The following AKAP13 variants were observed in gnomAD, a reference collection of about 807,000 sequenced individuals.
AKAP13 encodes A-kinase anchor protein 13.
In AKAP13, 80 loss-of-function variants were observed where a neutral mutation model predicts 264.5. That is an observed-to-expected ratio of 0.30 (90% CI 0.25 to 0.36). The LOEUF (loss-of-function observed/expected upper bound fraction) is 0.36, where lower values mean the gene tolerates loss of function less well. AKAP13 is among the 10% of genes least tolerant of loss of function. The pLI, the probability that AKAP13 is intolerant of heterozygous loss-of-function variation, is 1.00. For missense variants in AKAP13, 3,712 were observed against 3,435.2 expected (o/e 1.08, Z -2.01); for synonymous variants, 1,380 against 1,250.2 (o/e 1.10, Z -2.19).
intron 8 of AKAP13, among the ~76,000 whole-genome samples, chr15:85,600,232 G>A (rs1037760483): frequency 2.0e-5 from 3 of 148,550 alleles, no homozygotes; most frequent in African/African-American, 7.5e-5. Flanking sequence ...GGCCCAAGAT[G>A]TTTAATTCTT....
chr15:85,648,621 T>C (rs1033564246), intron 10 of AKAP13, among the ~76,000 whole-genome samples: 2 of 152,078 alleles, frequency 1.3e-5, no homozygotes, highest in African/African-American at 2.4e-5. Context: ...GAGGATCACT[T>C]GAGTCAAGGA....
chr15:85,598,688 G>C (rs1464941284), intron 8 of AKAP13, among the ~76,000 whole-genome samples: 1 of 152,134 alleles, frequency 6.6e-6, no homozygotes, highest in Non-Finnish European at 1.5e-5. Context: ...CCCTCAAGAA[G>C]CTCTATTGGG....
chr15:85,533,689 C>T lies in AKAP13; in HGVS notation c.287C>T (p.Ala96Val), dbSNP rs748911756. ...GACTTTCATTTCGTCCAGGATGAAGCGTATGATGCAGCTCAATTCCTAGCA... is the reference window on the plus strand; with the variant it reads ...GACTTTCATTTCGTCCAGGATGAAGTGTATGATGCAGCTCAATTCCTAGCA... ...EEDFHFVQDE[A>V]YDAAQFLATS... Residue 96 changes from alanine (A) to valine (V), a missense_variant, in exon 4 of 37, where the codon GCG becomes GTG. Around this residue, in one of 3 missense-constraint regions of AKAP13, gnomAD observed 2,759 missense variants for 2,411.7 expected, o/e 1.14. Transcript: ENST00000394518. The T allele has an allele frequency of 7.4e-6, 12 of 1,614,130 alleles. No homozygotes were observed. The highest frequency in any genetic ancestry group is 8.5e-6 in the Non-Finnish European group (10 of 1,180,014).
At chr15:85,686,166 T>TGCATGC (rs55760542) in intron 16 of AKAP13, among the ~76,000 whole-genome samples, 1 of 131,894 alleles carries the variant, frequency 7.6e-6, no homozygotes, top group African/African-American at 3.0e-5. Context: ...TGTGTGTGTG[T>TGCATGC]ATGTGTGTGT....
intron 5 of AKAP13, among the ~76,000 whole-genome samples, chr15:85,549,964 T>C (rs1341853745): frequency 6.6e-6 from 1 of 152,194 alleles, no homozygotes; most frequent in African/African-American, 2.4e-5. Flanking sequence ...TCACCCAGGC[T>C]GGAGTGCAGT....
At chr15:85,439,071 T>C (rs985091558) in intron 1 of AKAP13, among the ~76,000 whole-genome samples, 2 of 151,512 alleles carry the variant, frequency 1.3e-5, no homozygotes, top group African/African-American at 4.9e-5. Context: ...CCTACTCATC[T>C]GACAAAGGGC....
intron 33 of AKAP13, among the ~76,000 whole-genome samples, chr15:85,736,433 G>GT (rs1411308135): frequency 6.7e-6 from 1 of 148,854 alleles, no homozygotes; most frequent in Non-Finnish European, 1.5e-5. Context: ...TTGTTTGTTT[G>GT]TTTGTTTGTT....
intron 36 of AKAP13, chr15:85,744,088 C>T: frequency 2.1e-6 from 1 of 470,986 alleles, no homozygotes; most frequent in Non-Finnish European, 3.8e-6. Flanking sequence ...CTGGAGCTCA[C>T]CCCTCAATGA....
At chr15:85,589,846 C>G (rs2079517927) in intron 8 of AKAP13, among the ~76,000 whole-genome samples, 1 of 151,812 alleles carries the variant, frequency 6.6e-6, no homozygotes, top group South Asian at 2.1e-4. Flanking sequence ...AAAAAAGAAG[C>G]AAGCAGATTT....
intron 5 of AKAP13, among the ~76,000 whole-genome samples, chr15:85,553,905 C>T (rs1269463185): frequency 6.6e-6 from 1 of 152,120 alleles, no homozygotes; most frequent in East Asian, 1.9e-4. Flanking sequence ...GAATCTAATG[C>T]CTGATGATCT....
At chr15:85,554,354 A>G (rs188087540) in intron 5 of AKAP13, among the ~76,000 whole-genome samples, 5 of 152,302 alleles carry the variant, frequency 3.3e-5, no homozygotes, top group Admixed American at 2.6e-4. Context: ...AGGAAGGACA[A>G]TTCATTGGAA....
intron 32 of AKAP13, 91 bp downstream of exon 32, chr15:85,735,721 G>C (rs1233829918): frequency 1.6e-6 from 2 of 1,271,998 alleles, no homozygotes; most frequent in South Asian, 1.3e-5. Flanking sequence ...TGTTGTTTTC[G>C]ATGCCTGAAT....
chr15:85,651,542 G>A (rs989268805), intron 10 of AKAP13: 1 of 152,142 alleles, frequency 6.6e-6, no homozygotes. Flanking sequence ...ACTGCTTCAC[G>A]AATGTGTGCA....
chr15:85,650,195 T>C (rs1452661559), intron 10 of AKAP13, among the ~76,000 whole-genome samples: 1 of 152,086 alleles, frequency 6.6e-6, no homozygotes, highest in African/African-American at 2.4e-5. Context: ...TTCGGGAGGC[T>C]GAAGTGGGAG....
chr15:85,607,160 AC>A (rs2080390629), intron 8 of AKAP13, among the ~76,000 whole-genome samples: 2 of 150,722 alleles, frequency 1.3e-5, no homozygotes, highest in Admixed American at 1.3e-4. Flanking sequence ...AGCTTCAGAT[AC>A]TTAGTAGTTC....
intron 1 of AKAP13, among the ~76,000 whole-genome samples, chr15:85,389,444 G>C (rs72752589): frequency 8.5e-5 from 13 of 152,132 alleles, no homozygotes; most frequent in Admixed American, 2.6e-4. Context: ...TGTTGTTCAG[G>C]CTCTAAAGGA....
intron 1 of AKAP13, among the ~76,000 whole-genome samples, chr15:85,428,647 A>G (rs2072900243): frequency 6.6e-6 from 1 of 152,210 alleles, no homozygotes; most frequent in African/African-American, 2.4e-5. Context: ...CCATGCTACT[A>G]ATGTCTTGTT....
chr15:85,527,678 CAT>C (rs1199957747), intron 3 of AKAP13, among the ~76,000 whole-genome samples: 5 of 152,214 alleles, frequency 3.3e-5, no homozygotes, highest in African/African-American at 1.2e-4. Flanking sequence ...CTCCTGTACA[CAT>C]AGAGACATTT....
chr15:85,517,754 C>T (rs1408312301), intron 2 of AKAP13, among the ~76,000 whole-genome samples: 1 of 152,032 alleles, frequency 6.6e-6, no homozygotes, highest in Non-Finnish European at 1.5e-5. Context: ...GGGGAGCTAA[C>T]CTATATTTAC....
Sources: allele counts gnomAD v4.1 joint callset (sites outside exome capture counted in the v4.1 genomes callset), GRCh38; gene constraint gnomAD v4.1.1; regional missense constraint gnomAD v4.1.1; transcripts MANE v1.5; gene names NCBI Gene and HGNC (gene_info 2026-07-23, HGNC 2026-07-21).